ZBTB20: variants seen among roughly 807,000 people sequenced by gnomAD.
The protein encoded by ZBTB20 is zinc finger and BTB domain-containing protein 20.
A neutral mutation model predicts 56.9 loss-of-function variants in ZBTB20; 9 were observed. That is an observed-to-expected ratio of 0.16 (90% CI 0.10 to 0.28). The LOEUF is 0.28. Among genes scored for constraint, ZBTB20 ranks in the 10% least tolerant of loss-of-function variants. The probability of loss-of-function intolerance (pLI) is 1.00; values close to 1 mark genes in which losing one functional copy is unlikely to be tolerated. For missense variants in ZBTB20, 655 were observed against 1,003.0 expected (o/e 0.65, Z 4.69); for synonymous variants, 417 against 420.7 (o/e 0.99, Z 0.11).
intron 6 of ZBTB20, among the ~76,000 whole-genome samples, chr3:114,612,300 C>A (rs2057620313): frequency 6.6e-6 from 1 of 152,114 alleles, no homozygotes; most frequent in Non-Finnish European, 1.5e-5. Flanking sequence ...TGCATAATGG[C>A]AGATTGGTAA....
intron 6 of ZBTB20, among the ~76,000 whole-genome samples, chr3:114,520,427 A>G (rs896840514): frequency 1.9e-4 from 29 of 152,300 alleles, no homozygotes; most frequent in Non-Finnish European, 2.5e-4. Context: ...GAGGTATACA[A>G]TTACTACAGA....
chr3:114,714,304 T>C (rs1167042426), intron 5 of ZBTB20, among the ~76,000 whole-genome samples: 1 of 152,188 alleles, frequency 6.6e-6, no homozygotes, highest in Non-Finnish European at 1.5e-5. Flanking sequence ...GGGCAAAACC[T>C]TATTCTAACT....
intron 5 of ZBTB20, among the ~76,000 whole-genome samples, chr3:114,742,361 G>A (rs1882289): frequency 0.8 from 122,341 of 152,024 alleles, 49,976 homozygotes; most frequent in Non-Finnish European, 0.88. Context: ...TGACAGACAA[G>A]TATCTATACG....
Position 115,122,652 on chromosome 3 carries a change from A to G in ZBTB20, c.-703+24567T>C, listed in dbSNP as rs568280884. On this transcript the variant is annotated intron_variant, in intron 1 of 11. Coordinates refer to ENST00000675478, the MANE Select transcript of ZBTB20 (RefSeq NM_001348800.3). ...AAATCTAAGCTCTGCCTTCCCATTGAACATTTGTCTATGAAGACTTTCTAT... is the reference window on the plus strand; with the variant it reads ...AAATCTAAGCTCTGCCTTCCCATTGGACATTTGTCTATGAAGACTTTCTAT... 3.1e-4 allele frequency among the ~76,000 whole-genome samples: 47 copies of G among 152,120 alleles called. 1 individual carries two copies. Among genetic ancestry groups the G allele is most frequent in the Admixed American group, 5.9e-4 (9 of 15,284 alleles).
At chr3:114,717,897 C>T (rs369782010) in intron 5 of ZBTB20, among the ~76,000 whole-genome samples, 1 of 152,064 alleles carries the variant, frequency 6.6e-6, no homozygotes, top group Non-Finnish European at 1.5e-5. Context: ...TTTTGGGATA[C>T]CCCTCTTTTC....
intron 2 of ZBTB20, among the ~76,000 whole-genome samples, chr3:114,999,470 C>T (rs1269011066): frequency 6.6e-6 from 1 of 151,726 alleles, no homozygotes; most frequent in Non-Finnish European, 1.5e-5. Flanking sequence ...GCAAACTTAT[C>T]AGCTTTTCTT....
At chr3:114,775,022 A>C (rs1307251910) in intron 5 of ZBTB20, among the ~76,000 whole-genome samples, 1 of 152,096 alleles carries the variant, frequency 6.6e-6, no homozygotes, top group African/African-American at 2.4e-5. Context: ...TAGAGCTATA[A>C]TTATTTTGCT....
intron 6 of ZBTB20, among the ~76,000 whole-genome samples, chr3:114,629,940 G>A (rs773274845): frequency 1.3e-4 from 20 of 152,072 alleles, no homozygotes; most frequent in Non-Finnish European, 2.5e-4. Flanking sequence ...TTCAGCCTAG[G>A]AGCTGAAGAC....
At chr3:114,467,569 T>C (rs1400573057) in intron 7 of ZBTB20, among the ~76,000 whole-genome samples, 1 of 152,200 alleles carries the variant, frequency 6.6e-6, no homozygotes, top group Non-Finnish European at 1.5e-5. Flanking sequence ...TTCATCACTG[T>C]ACTCATCTTT....
intron 6 of ZBTB20, among the ~76,000 whole-genome samples, chr3:114,521,013 A>T (rs1467092243): frequency 6.6e-6 from 1 of 152,176 alleles, no homozygotes; most frequent in Non-Finnish European, 1.5e-5. Context: ...AATAGAAAGC[A>T]ATATTTACAG....
chr3:114,544,489 C>T (rs2049599026), intron 6 of ZBTB20, among the ~76,000 whole-genome samples: 2 of 110,624 alleles, frequency 1.8e-5, no homozygotes, highest in African/African-American at 3.6e-5. Flanking sequence ...TTTTCTTTCA[C>T]TTTCTTTCTT....
chr3:114,647,115 C>T (rs1348716930), intron 6 of ZBTB20, among the ~76,000 whole-genome samples: 7 of 151,984 alleles, frequency 4.6e-5, no homozygotes, highest in Admixed American at 1.3e-4. Context: ...CCTGCCACCA[C>T]GCCCAGCTAA....
chr3:114,439,522 T>C (rs1344452108), intron 7 of ZBTB20, among the ~76,000 whole-genome samples: 1 of 152,158 alleles, frequency 6.6e-6, no homozygotes, highest in African/African-American at 2.4e-5. Flanking sequence ...GGTGAAAAGC[T>C]ATTGGAGGGT....
chr3:114,354,740 C>A (rs1458898669), intron 10 of ZBTB20, among the ~76,000 whole-genome samples: 3 of 152,018 alleles, frequency 2.0e-5, no homozygotes, highest in African/African-American at 7.2e-5. Context: ...CACCACCACA[C>A]CTGGCTAATT....
At chr3:114,366,975 C>T (rs1042787021) in intron 10 of ZBTB20, 1 of 152,268 alleles carries the variant, frequency 6.6e-6, no homozygotes, top group African/African-American at 2.4e-5. Flanking sequence ...AGACAACTCT[C>T]ATGCCATCAA....
intron 5 of ZBTB20, among the ~76,000 whole-genome samples, chr3:114,793,334 G>A (rs1460005110): frequency 6.6e-6 from 1 of 151,848 alleles, no homozygotes; most frequent in East Asian, 1.9e-4. Flanking sequence ...CCTTCTTATT[G>A]GTCTAATAAT....
At chr3:114,485,501 AG>A (rs2042015747) in intron 7 of ZBTB20, among the ~76,000 whole-genome samples, 1 of 152,150 alleles carries the variant, frequency 6.6e-6, no homozygotes, top group Admixed American at 6.5e-5. Context: ...TCACTACTTG[AG>A]TAGAGATGAG....
chr3:114,350,958 T>G lies in ZBTB20; in HGVS notation c.1120A>C (p.Ser374Arg). The part of the protein sequence containing the change: ...EGTESEPKGE[S>R]FDSGVSSSIG... The stretch of plus-strand genomic sequence containing the variant: ...GAGGAGCTGACGCCCGAGTCGAAGC[T>G]TTCACCTTTGGGCTCACTCTCGGTG... The change falls in exon 11 of 12, where the codon AGC becomes CGC. Residue 374 changes from serine (S) to arginine (R), a missense_variant. By Grantham distance (110) the Ser-to-Arg change is moderately radical. Transcript: ENST00000675478. 1.9e-6 allele frequency: 3 copies of G among 1,606,922 alleles called. No individual in the cohort carries two copies. Among genetic ancestry groups the G allele is most frequent in the Non-Finnish European group, 2.5e-6 (3 of 1,179,800 alleles).
In ZBTB20 at chr3:114,647,770, C is replaced by T. The variant is rs1205375096; in HGVS notation, c.-295+45758G>A. On this transcript the variant is annotated intron_variant, in intron 6 of 11. Coordinates refer to ENST00000675478, the MANE Select transcript of ZBTB20 (RefSeq NM_001348800.3). ...AATTGGATTTGGCTAGTAATCATGA[C>T]AATTGTGGGAGAGAAAAAAAAAGAT... Among the ~76,000 whole-genome samples the T allele has an allele frequency of 3.3e-5, 5 of 151,844 alleles. No homozygotes were observed. In the South Asian group the frequency reaches 8.3e-4, roughly 25 times the overall value.
Sources: gnomAD v4.1 joint callset for allele counts (sites outside exome capture counted in the v4.1 genomes callset) on GRCh38, gnomAD v4.1.1 for gene constraint, MANE v1.5 for transcripts, NCBI Gene and HGNC (gene_info 2026-07-23, HGNC 2026-07-21) for gene names.